Variants in SFXN1 observed in about 807,000 individuals in gnomAD.
The protein encoded by SFXN1 is sideroflexin-1.
SFXN1 carries 32 observed loss-of-function variants against 39.5 expected under a neutral mutation model. The ratio of observed to expected loss-of-function variants is 0.81; its 90% confidence interval spans 0.61 to 1.09. The LOEUF (loss-of-function observed/expected upper bound fraction) is 1.09. Ranked by LOEUF, SFXN1 falls within the 50% of genes least tolerant of loss-of-function variation. The pLI, the probability that SFXN1 is intolerant of heterozygous loss-of-function variation, is 0.00. For missense variants in SFXN1, 402 were observed against 407.1 expected (o/e 0.99, Z 0.11); for synonymous variants, 136 against 146.5 (o/e 0.93, Z 0.52).
rs55761424 is a variant in SFXN1 at position 175,513,296 on chromosome 5, TAAAAAAAAAAAA to T, written c.597-150_597-139del. ...CAGCCTGGGCAACAGAGTGAGACTGTAAAAAAAAAAAAAAAAAAAAAAAAAAAACAGATGTGT... is the reference window on the plus strand; with the variant it reads ...CAGCCTGGGCAACAGAGTGAGACTGTAAAAAAAAAAAAAAAACAGATGTGT... On this transcript the variant is annotated intron_variant, in intron 6 of 10. Transcript: ENST00000321442. 2.4e-3 allele frequency among the ~76,000 whole-genome samples: 158 copies of T among 65,280 alleles called. 1 individual carries two copies. The highest frequency in any genetic ancestry group is 8.4e-3 in the African/African-American group (136 of 16,148). The allele number at this position is 65,280 out of a possible 152,430, so 42.8% of individuals were successfully genotyped here.
chr5:175,480,405 A>C (rs1247260351), intron 1 of SFXN1, among the ~76,000 whole-genome samples: 2 of 152,126 alleles, frequency 1.3e-5, no homozygotes, highest in Non-Finnish European at 2.9e-5. Flanking sequence ...CGTCTTAAAA[A>C]AAAAAAAATA....
intron 2 of SFXN1, among the ~76,000 whole-genome samples, chr5:175,503,812 G>A (rs1760179449): frequency 6.6e-6 from 1 of 152,144 alleles, no homozygotes; most frequent in Non-Finnish European, 1.5e-5. Context: ...AGACCAGCCT[G>A]GCTAACATGG....
chr5:175,489,531 A>G (rs1243675652), intron 1 of SFXN1, among the ~76,000 whole-genome samples: 1 of 152,164 alleles, frequency 6.6e-6, no homozygotes, highest in East Asian at 1.9e-4. Flanking sequence ...TTCTAATTCA[A>G]AATTTAGTCA....
intron 10 of SFXN1, chr5:175,524,122 AAAAATATATATATATATATATATATAT>A (rs1269000409): frequency 0.051 from 1,547 of 30,450 alleles, 92 homozygotes; most frequent in African/African-American, 0.2. Context: ...AAAAAAAAAA[AAAAATATATATATATATATATATATAT>A]ATATATATAT....
chr5:175,517,592 T>C (rs1050919245), intron 8 of SFXN1, among the ~76,000 whole-genome samples: 2 of 152,162 alleles, frequency 1.3e-5, no homozygotes, highest in African/African-American at 4.8e-5. Flanking sequence ...CATACATACC[T>C]ACCACTCCCC....
intron 10 of SFXN1, chr5:175,523,795 C>G (rs116776669): frequency 2.0e-5 from 3 of 151,872 alleles, no homozygotes; most frequent in Non-Finnish European, 4.4e-5. Context: ...GAAACCAATC[C>G]TCTTTTGTTT....
At chr5:175,493,789 G>T (rs561402166) in intron 2 of SFXN1, among the ~76,000 whole-genome samples, 51 of 152,188 alleles carry the variant, frequency 3.4e-4, no homozygotes, top group Non-Finnish European at 6.0e-4. Context: ...AACCTGAGAA[G>T]CTTGCCGGGG....
rs557015756 is a variant in SFXN1 at position 175,488,020 on chromosome 5, C to G, written c.-9-4075C>G. On this transcript the variant is annotated intron_variant, in intron 1 of 10. Transcript: ENST00000321442. The stretch of plus-strand genomic sequence containing the variant: ...CTGCAGTAACCTTGTCACTGTTCCT[C>G]CTGTGTCCGCTCTTATCTCCCCACT... Among the ~76,000 whole-genome samples the G allele has an allele frequency of 3.3e-5, 5 of 152,332 alleles. No homozygotes were observed. In the South Asian group the frequency reaches 8.3e-4, roughly 25 times the overall value.
chr5:175,526,558 G>A (rs1761065630), intron 10 of SFXN1, 80 bp from the exon 11 acceptor site: 1 of 1,124,172 alleles, frequency 8.9e-7, no homozygotes, highest in Non-Finnish European at 1.4e-6. Flanking sequence ...CTCCACACCT[G>A]TGCCTTCTCC....
intron 1 of SFXN1, among the ~76,000 whole-genome samples, chr5:175,489,568 T>C (rs1340816602): frequency 6.6e-6 from 1 of 152,216 alleles, no homozygotes; most frequent in Non-Finnish European, 1.5e-5. Context: ...CATACATTTC[T>C]TGTATCCCCA....
chr5:175,522,237 A>G (rs932817689), intron 9 of SFXN1, 138 bp from the exon 10 acceptor site: 32 of 865,008 alleles, frequency 3.7e-5, no homozygotes, highest in Admixed American at 9.5e-5. Flanking sequence ...AACTTACACA[A>G]ACAGGACTTA....
chr5:175,524,450 A>G (rs1760997507), intron 10 of SFXN1, among the ~76,000 whole-genome samples: 1 of 151,908 alleles, frequency 6.6e-6, no homozygotes, highest in South Asian at 2.1e-4. Flanking sequence ...AGTGCATTGT[A>G]TGAATGCACC....
At chr5:175,494,209 C>A (rs1264802221) in intron 2 of SFXN1, among the ~76,000 whole-genome samples, 1 of 152,206 alleles carries the variant, frequency 6.6e-6, no homozygotes, top group African/African-American at 2.4e-5. Flanking sequence ...CAAGCAGACA[C>A]ACCCACACAT....
At chr5:175,499,643 A>G (rs1402480245) in intron 2 of SFXN1, among the ~76,000 whole-genome samples, 1 of 152,202 alleles carries the variant, frequency 6.6e-6, no homozygotes, top group East Asian at 1.9e-4. Flanking sequence ...TAGGAATAGA[A>G]GGGGAAGGTA....
chr5:175,526,561 C>A, intron 10 of SFXN1, 77 bp from the exon 11 acceptor site: 1 of 1,165,048 alleles, frequency 8.6e-7, no homozygotes, highest in Non-Finnish European at 1.3e-6. Context: ...CACACCTGTG[C>A]CTTCTCCCTG....
chr5:175,513,681 C>T (rs573065264), intron 7 of SFXN1, 91 bp downstream of exon 7: 1 of 1,385,516 alleles, frequency 7.2e-7, no homozygotes, highest in Admixed American at 1.9e-5. Flanking sequence ...TATATCACAC[C>T]TCTTAGTGGA....
intron 10 of SFXN1, among the ~76,000 whole-genome samples, chr5:175,524,471 G>A (rs1005037076): frequency 6.6e-6 from 1 of 151,818 alleles, no homozygotes; most frequent in East Asian, 1.9e-4. Context: ...ACAGTTTCCC[G>A]TCTCCTATGT....
At chr5:175,495,368 C>T (rs1371972181) in intron 2 of SFXN1, among the ~76,000 whole-genome samples, 1 of 152,244 alleles carries the variant, frequency 6.6e-6, no homozygotes, top group Admixed American at 6.5e-5. Context: ...ATGTTCTAGA[C>T]ATGGATAGTG....
At chr5:175,497,046 T>C (rs1759883636) in intron 2 of SFXN1, among the ~76,000 whole-genome samples, 1 of 152,134 alleles carries the variant, frequency 6.6e-6, no homozygotes, top group African/African-American at 2.4e-5. Context: ...CCTGCCATCA[T>C]GCCCAGCTAA....
Sources: gnomAD v4.1 joint callset for allele counts (sites outside exome capture counted in the v4.1 genomes callset) on GRCh38, gnomAD v4.1.1 for gene constraint, MANE v1.5 for transcripts, NCBI Gene and HGNC (gene_info 2026-07-23, HGNC 2026-07-21) for gene names.